Variants in PTPRT observed in about 807,000 individuals in gnomAD.
The protein encoded by PTPRT is receptor-type tyrosine-protein phosphatase T.
Under a neutral mutation model 176.8 loss-of-function variants are expected in PTPRT, and 56 were observed. That is an observed-to-expected ratio of 0.32 (90% CI 0.26 to 0.40). The LOEUF is 0.40. PTPRT is among the 10% of genes least tolerant of loss of function. The pLI is 1.00. For synonymous variants in PTPRT, 783 were observed against 739.0 expected, an observed-to-expected ratio of 1.06 and a Z score of -0.96; for missense variants, 1,540 against 1,908.2, an observed-to-expected ratio of 0.81 and a Z score of 3.60.
At chr20:42,459,760 G>T (rs2070986701) in intron 8 of PTPRT, among the ~76,000 whole-genome samples, 1 of 152,092 alleles carries the variant, frequency 6.6e-6, no homozygotes. Flanking sequence ...GTACAATCAT[G>T]GCTCACTGCA....
At chr20:42,306,756 C>T (rs1181929955) in intron 12 of PTPRT, among the ~76,000 whole-genome samples, 1 of 152,154 alleles carries the variant, frequency 6.6e-6, no homozygotes, top group Non-Finnish European at 1.5e-5. Flanking sequence ...CAGGGTGGAA[C>T]AGGAGCACAT....
chr20:43,110,240 C>A (rs576845151), intron 1 of PTPRT, among the ~76,000 whole-genome samples: 15 of 152,090 alleles, frequency 9.9e-5, no homozygotes, highest in Non-Finnish European at 2.1e-4. Context: ...CTTTTTAATA[C>A]CCAGAGGGAA....
At chr20:42,574,847 A>G (rs1457534372) in intron 7 of PTPRT, among the ~76,000 whole-genome samples, 1 of 151,922 alleles carries the variant, frequency 6.6e-6, no homozygotes, top group East Asian at 1.9e-4. Context: ...TTCTCAAGAG[A>G]TCTGATGGGT....
intron 6 of PTPRT, among the ~76,000 whole-genome samples, chr20:42,699,255 T>A (rs1249011642): frequency 6.6e-6 from 1 of 152,162 alleles, no homozygotes; most frequent in Non-Finnish European, 1.5e-5. Flanking sequence ...CATGGTCACA[T>A]ACACCAAATC....
intron 7 of PTPRT, among the ~76,000 whole-genome samples, chr20:42,487,042 G>A (rs1025612717): frequency 1.3e-5 from 2 of 152,090 alleles, no homozygotes; most frequent in African/African-American, 2.4e-5. Flanking sequence ...TAACATGACC[G>A]GCCAACACTC....
chr20:42,924,698 G>T (rs1009490114), intron 1 of PTPRT, among the ~76,000 whole-genome samples: 1 of 152,208 alleles, frequency 6.6e-6, no homozygotes, highest in African/African-American at 2.4e-5. Context: ...AAAACCAGCT[G>T]CTGTTAACCT....
intron 2 of PTPRT, among the ~76,000 whole-genome samples, chr20:42,797,891 A>G (rs2077475214): frequency 6.6e-6 from 1 of 152,112 alleles, no homozygotes; most frequent in Non-Finnish European, 1.5e-5. Flanking sequence ...AAACTAGAAA[A>G]GGTGAGAAAA....
chr20:43,072,862 T>C (rs370655655), intron 1 of PTPRT, among the ~76,000 whole-genome samples: 11 of 152,306 alleles, frequency 7.2e-5, no homozygotes, highest in Middle Eastern at 3.4e-3. Context: ...AGAACTTAAT[T>C]AGTACTTAAT....
chr20:42,853,567 A>G (rs990947795), intron 2 of PTPRT, among the ~76,000 whole-genome samples: 2 of 152,170 alleles, frequency 1.3e-5, no homozygotes, highest in Non-Finnish European at 2.9e-5. Context: ...GCTCAAGAAA[A>G]GAGAGAAAAA....
chr20:42,780,149 G>T, intron 4 of PTPRT, 69 bp downstream of exon 4: 2 of 1,216,780 alleles, frequency 1.6e-6, no homozygotes, highest in Non-Finnish European at 2.4e-6. Flanking sequence ...GAATGGAAGG[G>T]ATTGCAGGCT....
chr20:43,003,801 G>A (rs561284663), intron 1 of PTPRT, among the ~76,000 whole-genome samples: 3 of 152,174 alleles, frequency 2.0e-5, no homozygotes, highest in African/African-American at 7.2e-5. Context: ...GAGAAGCATG[G>A]TTTTAGATCT....
chr20:42,616,846 A>G lies in PTPRT; in HGVS notation c.1153+61020T>C, dbSNP rs1179956218. Among the ~76,000 whole-genome samples, 77 of 136,636 alleles carry G rather than the reference A, an allele frequency of 5.6e-4. 8 individuals carry two copies. The highest frequency in any genetic ancestry group is 9.2e-4 in the Non-Finnish European group (60 of 65,418). 89.6% of individuals were successfully genotyped at this position (136,636 alleles called of 152,430 possible). On this transcript the variant is annotated intron_variant, in intron 7 of 30. Coordinates refer to ENST00000373187, the MANE Select transcript of PTPRT (RefSeq NM_007050.6). ...GCTTAAGGAGATTTTGGGCTGAGAC[A>G]ATGGGGTTTTCTAGATATACAATCA...
At chr20:42,973,783 A>C (rs552935661) in intron 1 of PTPRT, among the ~76,000 whole-genome samples, 2 of 152,388 alleles carry the variant, frequency 1.3e-5, no homozygotes, top group African/African-American at 4.8e-5. Flanking sequence ...CACCTGCTCA[A>C]ATAATTGTTG....
chr20:42,289,260 C>T (rs536003052), intron 12 of PTPRT, among the ~76,000 whole-genome samples: 8 of 151,976 alleles, frequency 5.3e-5, no homozygotes, highest in East Asian at 3.9e-4. Flanking sequence ...GCAACACAAA[C>T]GAAAATTGAC....
intron 16 of PTPRT, among the ~76,000 whole-genome samples, chr20:42,169,508 C>T (rs1989982113): frequency 6.6e-6 from 1 of 152,030 alleles, no homozygotes; most frequent in Non-Finnish European, 1.5e-5. Context: ...ATAGCAGCAT[C>T]ACACATGCCA....
intron 1 of PTPRT, among the ~76,000 whole-genome samples, chr20:42,993,883 C>T (rs1984087296): frequency 6.6e-6 from 1 of 151,924 alleles, no homozygotes; most frequent in Non-Finnish European, 1.5e-5. Context: ...CCAATTTATG[C>T]GAGTAAGCCC....
intron 1 of PTPRT, among the ~76,000 whole-genome samples, chr20:43,019,139 G>A (rs1417683301): frequency 6.6e-6 from 1 of 152,222 alleles, no homozygotes; most frequent in Admixed American, 6.5e-5. Flanking sequence ...TAAAAGGAGT[G>A]AAGTAAACCT....
intron 8 of PTPRT, among the ~76,000 whole-genome samples, chr20:42,469,570 T>C (rs1372957306): frequency 1.3e-5 from 2 of 152,178 alleles, no homozygotes; most frequent in African/African-American, 4.8e-5. Flanking sequence ...CAGGCATGCT[T>C]GGCTCCAGAG....
intron 17 of PTPRT, among the ~76,000 whole-genome samples, chr20:42,143,517 A>C (rs1296788813): frequency 1.3e-5 from 2 of 150,580 alleles, no homozygotes; most frequent in African/African-American, 2.4e-5. Flanking sequence ...AGAGCACGCT[A>C]CTGCACTCCA....
Sources: gnomAD v4.1 joint callset for allele counts (sites outside exome capture counted in the v4.1 genomes callset) on GRCh38, gnomAD v4.1.1 for gene constraint, MANE v1.5 for transcripts, NCBI Gene and HGNC (gene_info 2026-07-23, HGNC 2026-07-21) for gene names.